Variants in TENM2 observed in about 807,000 individuals in gnomAD.
The protein encoded by TENM2 is teneurin-2.
TENM2 carries 52 observed loss-of-function variants against 245.2 expected under a neutral mutation model. The ratio of observed to expected loss-of-function variants is 0.21; its 90% CI spans 0.17 to 0.27. The LOEUF (loss-of-function observed/expected upper bound fraction) is 0.27. TENM2 is among the 10% of genes least tolerant of loss of function. TENM2 has a pLI of 1.00. For missense variants in TENM2, 3,046 were observed against 3,666.8 expected (o/e 0.83, Z 4.37); for synonymous variants, 1,363 against 1,438.9 (o/e 0.95, Z 1.19).
At position 168,218,104 on chromosome 5, in the gene TENM2, C is replaced by G; in HGVS notation, c.4234-21C>G. 6.2e-7 allele frequency: 1 copy of G among 1,602,826 alleles called. No individual in the cohort carries two copies. Among genetic ancestry groups the G allele is most frequent in the Non-Finnish European group, 8.5e-7 (1 of 1,172,164 alleles). On this transcript the variant is annotated intron_variant, in intron 22 of 28. Coordinates refer to ENST00000518659, the Ensembl canonical transcript of TENM2. The surrounding 1 kb of genome is among the most constrained non-coding windows in gnomAD (Gnocchi z 5.2). ...GACATATTAAAGGCTGTTCTTTAATCTGATACCACGTCATCCACAGGTTCG... is the reference window on the plus strand; with the variant it reads ...GACATATTAAAGGCTGTTCTTTAATGTGATACCACGTCATCCACAGGTTCG...
In TENM2 at chr5:167,743,458, TA is replaced by T. The variant is rs1265926656; in HGVS notation, c.503-132526del. ...CACGATTCTTAAATGATGTTTAGGGTAACTATTCGAACCGACAAAAAGGCTT... is the reference window on the plus strand; with the variant it reads ...CACGATTCTTAAATGATGTTTAGGGTACTATTCGAACCGACAAAAAGGCTT... On this transcript the variant is annotated intron_variant, in intron 2 of 28. Coordinates refer to ENST00000518659, the Ensembl canonical transcript of TENM2. Among the ~76,000 whole-genome samples, 43 of 152,262 alleles carry T rather than the reference TA, an allele frequency of 2.8e-4. 1 individual carries two copies. The highest frequency in any genetic ancestry group is 3.4e-3 in the Middle Eastern group (1 of 294).
the TENM2 span, among the ~76,000 whole-genome samples, chr5:167,177,634 A>T: frequency 1.3e-5 from 2 of 152,208 alleles, no homozygotes; most frequent in African/African-American, 4.8e-5. Flanking sequence ...AGAAAGTTCA[A>T]TTCGAATCAG....
chr5:168,257,868 C>A (rs929288238), intron 27 of TENM2, among the ~76,000 whole-genome samples: 3 of 152,126 alleles, frequency 2.0e-5, no homozygotes, highest in Non-Finnish European at 2.9e-5. Flanking sequence ...CCTGCCTTGG[C>A]CTCCCAAAGT....
At chr5:167,773,815 A>G (rs1763558754) in intron 2 of TENM2, among the ~76,000 whole-genome samples, 1 of 152,150 alleles carries the variant, frequency 6.6e-6, no homozygotes, top group Non-Finnish European at 1.5e-5. Flanking sequence ...CTGTTACAGC[A>G]TATTACTAAA....
the TENM2 span, among the ~76,000 whole-genome samples, chr5:167,082,478 G>C: frequency 6.6e-6 from 1 of 152,002 alleles, no homozygotes; most frequent in East Asian, 1.9e-4. Flanking sequence ...GTAGAGACGG[G>C]GTTTCACCAT....
chr5:168,190,548 G>A lies in TENM2; in HGVS notation c.2780+1G>A, dbSNP rs1415649315. The A allele has an allele frequency of 1.2e-6, 2 of 1,613,118 alleles. No individual in the cohort carries two copies. Among genetic ancestry groups the A allele is most frequent in the Non-Finnish European group, 1.7e-6 (2 of 1,179,370 alleles). Reference sequence around the variant, plus strand: ...CTGGAGAGAACCCTTTCAACAGCAGGTAGGCACCCTCTGTCCCTGCAAACT... The same window carrying A: ...CTGGAGAGAACCCTTTCAACAGCAGATAGGCACCCTCTGTCCCTGCAAACT... On this transcript the variant is annotated splice_donor_variant, in intron 14 of 28. Coordinates refer to ENST00000518659, the Ensembl canonical transcript of TENM2. LOFTEE classifies it high-confidence loss of function.
the TENM2 span, among the ~76,000 whole-genome samples, chr5:167,016,289 A>C: frequency 2.0e-5 from 3 of 151,200 alleles, no homozygotes; most frequent in African/African-American, 7.3e-5. Context: ...AACAAAAAAA[A>C]AAAAAAAAAA....
At chr5:167,149,759 C>G in the TENM2 span, among the ~76,000 whole-genome samples, 1 of 152,194 alleles carries the variant, frequency 6.6e-6, no homozygotes, top group Non-Finnish European at 1.5e-5. Flanking sequence ...CTCCTTCCAA[C>G]GCTTCCCAGA....
At chr5:167,980,316 G>C (rs1457427976) in intron 4 of TENM2, among the ~76,000 whole-genome samples, 3 of 152,198 alleles carry the variant, frequency 2.0e-5, no homozygotes, top group Non-Finnish European at 4.4e-5. Flanking sequence ...AAGGTAGGAT[G>C]CAAGATGCTA....
chr5:167,253,790 G>A, the TENM2 span, among the ~76,000 whole-genome samples: 2,878 of 152,102 alleles, frequency 0.019, 29 homozygotes, highest in Non-Finnish European at 0.029. Flanking sequence ...TTTGTTGATT[G>A]TCTGACTGTC....
chr5:167,601,069 G>A (rs1269417672), intron 2 of TENM2, among the ~76,000 whole-genome samples: 1 of 152,212 alleles, frequency 6.6e-6, no homozygotes, highest in Admixed American at 6.5e-5. Context: ...GAAAAGCCCT[G>A]CCCGTGTGAA....
At chr5:167,404,962 A>C (rs1762552247) in intron 2 of TENM2, among the ~76,000 whole-genome samples, 2 of 152,094 alleles carry the variant, frequency 1.3e-5, no homozygotes, top group Non-Finnish European at 2.9e-5. Context: ...GCCAGTCCTA[A>C]GCAGCATCCA....
intron 4 of TENM2, among the ~76,000 whole-genome samples, chr5:167,964,268 A>G (rs1467100913): frequency 6.6e-6 from 1 of 152,160 alleles, no homozygotes; most frequent in Non-Finnish European, 1.5e-5. Context: ...ACAGAACCTA[A>G]CTTTTCTTCC....
the TENM2 span, among the ~76,000 whole-genome samples, chr5:166,979,662 T>C: frequency 6.6e-6 from 1 of 152,200 alleles, no homozygotes; most frequent in Non-Finnish European, 1.5e-5. Context: ...CTTGCGTTTG[T>C]GCAGTTTACA....
chr5:167,181,216 C>T, the TENM2 span, among the ~76,000 whole-genome samples: 3 of 152,082 alleles, frequency 2.0e-5, no homozygotes, highest in Non-Finnish European at 4.4e-5. Flanking sequence ...AACAAAAATG[C>T]TGACCTGGTT....
At chr5:167,976,819 G>T (rs1484768190) in intron 4 of TENM2, among the ~76,000 whole-genome samples, 1 of 152,042 alleles carries the variant, frequency 6.6e-6, no homozygotes, top group Non-Finnish European at 1.5e-5. Flanking sequence ...ATATCATTGG[G>T]TATATACCCA....
intron 13 of TENM2, among the ~76,000 whole-genome samples, chr5:168,171,703 C>T (rs1323327029): frequency 1.3e-5 from 2 of 151,484 alleles, no homozygotes. Flanking sequence ...TGTTTTTTTC[C>T]CCCTGATTAG....
intron 2 of TENM2, among the ~76,000 whole-genome samples, chr5:167,850,386 C>T (rs1428290379): frequency 1.3e-5 from 2 of 152,080 alleles, no homozygotes; most frequent in Non-Finnish European, 2.9e-5. Flanking sequence ...TTCTAACAGG[C>T]CCTGTGAGGC....
At chr5:167,572,222 T>C (rs1376353011) in intron 2 of TENM2, among the ~76,000 whole-genome samples, 1 of 152,246 alleles carries the variant, frequency 6.6e-6, no homozygotes, top group Non-Finnish European at 1.5e-5. Context: ...CAATCCCTCT[T>C]TGGGCACAGC....
Sources: gnomAD v4.1 joint callset for allele counts (sites outside exome capture counted in the v4.1 genomes callset) on GRCh38, gnomAD v4.1.1 for gene constraint, Gnocchi (gnomAD v3.1) non-coding constraint, MANE v1.5 for transcripts, NCBI Gene and HGNC (gene_info 2026-07-23, HGNC 2026-07-21) for gene names.